NDUFA9: variants seen among roughly 807,000 people sequenced by gnomAD.
NDUFA9 encodes the protein NADH dehydrogenase [ubiquinone] 1 alpha subcomplex subunit 9, mitochondrial.
In NDUFA9, 23 loss-of-function variants were observed where a neutral mutation model predicts 45.9. The ratio of observed to expected loss-of-function variants is 0.50; its 90% CI spans 0.36 to 0.71. The LOEUF (loss-of-function observed/expected upper bound fraction) is 0.71, where lower values mean the gene tolerates loss of function less well. NDUFA9 is among the 30% of genes least tolerant of loss of function. The pLI is 0.00. For synonymous variants in NDUFA9, 176 were observed against 170.5 expected (o/e 1.03, Z -0.25); for missense variants, 466 against 488.2 (o/e 0.95, Z 0.43).
chr12:4,660,874 G>A (rs192423473), intron 5 of NDUFA9, among the ~76,000 whole-genome samples: 11 of 152,246 alleles, frequency 7.2e-5, no homozygotes, highest in African/African-American at 2.4e-4. Flanking sequence ...ATGCGGGTGC[G>A]TGAAGAGTGA....
chr12:4,649,162 C>G lies in NDUFA9; in HGVS notation c.36C>G (p.Val12=). The G allele has an allele frequency of 6.2e-7, 1 of 1,605,176 alleles. No homozygotes were observed. Among genetic ancestry groups the G allele is most frequent in the Non-Finnish European group, 8.5e-7 (1 of 1,176,094 alleles). Residue 12 remains valine (V), a synonymous_variant, in exon 1 of 11, where the codon GTC becomes GTG. Coordinates refer to ENST00000266544, the MANE Select transcript of NDUFA9 (RefSeq NM_005002.5). ...AAAAQSRVVR[V]LSMSRSAITA... ...CCGCACAATCCCGGGTTGTCCGGGTCCTGTCAATGTCACGTAAGTGTTACC... is the reference window on the plus strand; with the variant it reads ...CCGCACAATCCCGGGTTGTCCGGGTGCTGTCAATGTCACGTAAGTGTTACC...
At chr12:4,654,551 A>C in intron 2 of NDUFA9, 89 bp downstream of exon 2, 3 of 1,440,094 alleles carry the variant, frequency 2.1e-6, no homozygotes, top group Non-Finnish European at 2.9e-6. Context: ...TCTTCATTTT[A>C]ACAGTATTAT....
At chr12:4,674,905 A>G (rs534429880) in intron 8 of NDUFA9, among the ~76,000 whole-genome samples, 1 of 152,328 alleles carries the variant, frequency 6.6e-6, no homozygotes, top group South Asian at 2.1e-4. Context: ...TCTAAAATTG[A>G]CCACATAATT....
intron 1 of NDUFA9, 86 bp downstream of exon 1, chr12:4,649,261 T>C (rs1316163148): frequency 1.4e-6 from 2 of 1,454,132 alleles, no homozygotes; most frequent in Non-Finnish European, 1.9e-6. Flanking sequence ...GCTGCAGCGG[T>C]CACGCCAACT....
intron 7 of NDUFA9, among the ~76,000 whole-genome samples, chr12:4,669,155 G>A (rs892979998): frequency 2.0e-5 from 3 of 152,206 alleles, no homozygotes; most frequent in African/African-American, 7.2e-5. Flanking sequence ...TTGTTAAAGG[G>A]TGTTGGGCAG....
At position 4,659,411 on chromosome 12, in the gene NDUFA9, G is replaced by A. The variant is rs7957498; in HGVS notation, c.552+234G>A. On this transcript the variant is annotated intron_variant, in intron 5 of 10. Coordinates refer to ENST00000266544, the MANE Select transcript of NDUFA9 (RefSeq NM_005002.5). Reference sequence around the variant, plus strand: ...TCGGAGTTGGCTAGACCATGTTACTGTTGGCATTCAGATACTTAAAGTTTC... The same window carrying A: ...TCGGAGTTGGCTAGACCATGTTACTATTGGCATTCAGATACTTAAAGTTTC... Among the ~76,000 whole-genome samples the A allele has an allele frequency of 0.98, 149,162 of 152,322 alleles. 73,118 individuals are homozygous for A. The highest frequency in any genetic ancestry group is 1 in the Middle Eastern group (294 of 294).
intron 10 of NDUFA9, among the ~76,000 whole-genome samples, chr12:4,685,910 G>A (rs1945983810): frequency 3.3e-5 from 5 of 152,134 alleles, no homozygotes; most frequent in Admixed American, 1.3e-4. Context: ...CATCTACCTT[G>A]GAAGACCTAT....
At position 4,694,017 on chromosome 12, in the gene NDUFA9, G is replaced by A. The variant is rs1431116729; in HGVS notation, c.*6909G>A. On this transcript the variant is annotated 3_prime_UTR_variant, in exon 11 of 11. Transcript: ENST00000266544. ...GGGGAGATCCCATTGTACTTCAGTG[G>A]AAAACTATGCATTGTCTGGAATCTA... 3.3e-5 allele frequency: 5 copies of A among 152,170 alleles called. No individual in the cohort carries two copies. Among genetic ancestry groups the A allele is most frequent in the African/African-American group, 1.2e-4 (5 of 41,418 alleles). The allele number at this position is 152,170 out of a possible 1,614,324, so 9.4% of individuals were successfully genotyped here.
At position 4,651,419 on chromosome 12, in the gene NDUFA9, C is replaced by A. The variant is rs80178477; in HGVS notation, c.49+2244C>A. ...CTTGCCCATATGTTATTCTCATTAA[C>A]CCTTTAAACTGTGAGCTTCATGAAG... On this transcript the variant is annotated intron_variant, in intron 1 of 10. Transcript: ENST00000266544. 3.5e-3 allele frequency among the ~76,000 whole-genome samples: 529 copies of A among 152,052 alleles called. 2 individuals are homozygous for A. The highest frequency in any genetic ancestry group is 0.012 in the African/African-American group (510 of 41,464).
chr12:4,676,556 A>C (rs1031742007), intron 8 of NDUFA9, among the ~76,000 whole-genome samples: 2 of 152,230 alleles, frequency 1.3e-5, no homozygotes, highest in Admixed American at 1.3e-4. Flanking sequence ...TGCTACAAAG[A>C]GAATAAAATA....
chr12:4,650,124 G>T (rs1487280083), intron 1 of NDUFA9, among the ~76,000 whole-genome samples: 1 of 152,220 alleles, frequency 6.6e-6, no homozygotes, highest in African/African-American at 2.4e-5. Flanking sequence ...AGGACTGAGT[G>T]TAGAGCTATT....
chr12:4,679,275 G>A (rs950180740), intron 8 of NDUFA9, among the ~76,000 whole-genome samples: 4 of 152,156 alleles, frequency 2.6e-5, no homozygotes, highest in African/African-American at 9.7e-5. Context: ...TGGCTGTGGA[G>A]GATCTTACTA....
At chr12:4,665,008 A>C (rs1292210761) in intron 6 of NDUFA9, among the ~76,000 whole-genome samples, 2 of 152,204 alleles carry the variant, frequency 1.3e-5, no homozygotes, top group East Asian at 3.8e-4. Flanking sequence ...GTTCATAGTT[A>C]GGAATTTTGC....
At chr12:4,679,637 G>A (rs2137483784) in intron 8 of NDUFA9, among the ~76,000 whole-genome samples, 1 of 152,290 alleles carries the variant, frequency 6.6e-6, no homozygotes, top group South Asian at 2.1e-4. Context: ...GACCTCATTT[G>A]AACATTAGGC....
At position 4,693,584 on chromosome 12, in the gene NDUFA9, T is replaced by A. The variant is rs1439725094; in HGVS notation, c.*6476T>A. 2 of 152,222 alleles carry A rather than the reference T, an allele frequency of 1.3e-5. No homozygotes were observed. Among genetic ancestry groups the A allele is most frequent in the Non-Finnish European group, 2.9e-5 (2 of 68,062 alleles). 9.4% of individuals were successfully genotyped at this position (152,222 alleles called of 1,614,324 possible). On this transcript the variant is annotated 3_prime_UTR_variant, in exon 11 of 11. Coordinates refer to ENST00000266544, the MANE Select transcript of NDUFA9 (RefSeq NM_005002.5). ...ATGTCTGGGCCTTCTTGACAGCAGG[T>A]GTTTAAAGCTGAATCTGGTTCTACT...
intron 8 of NDUFA9, among the ~76,000 whole-genome samples, chr12:4,671,612 TG>T (rs1481204857): frequency 6.6e-6 from 1 of 152,156 alleles, no homozygotes; most frequent in African/African-American, 2.4e-5. Flanking sequence ...TAAATTTATA[TG>T]GTAATGCAAA....
At chr12:4,684,918 G>A (rs534739544) in intron 9 of NDUFA9, 2 of 575,756 alleles carry the variant, frequency 3.5e-6, no homozygotes, top group African/African-American at 1.9e-5. Context: ...AATATCTGAG[G>A]TTTAGATTAA....
At chr12:4,650,488 C>G (rs778245925) in intron 1 of NDUFA9, among the ~76,000 whole-genome samples, 4 of 152,182 alleles carry the variant, frequency 2.6e-5, no homozygotes, top group African/African-American at 7.2e-5. Flanking sequence ...TTTTAACTTA[C>G]TTTCCTCTGA....
intron 3 of NDUFA9, chr12:4,657,304 T>A (rs1033277978): frequency 6.4e-5 from 10 of 155,116 alleles, no homozygotes; most frequent in African/African-American, 2.4e-4. Flanking sequence ...CACTAGTCTT[T>A]AAAAGACACT....
Sources: gnomAD v4.1 joint callset for allele counts (sites outside exome capture counted in the v4.1 genomes callset) on GRCh38, gnomAD v4.1.1 for gene constraint, MANE v1.5 for transcripts, NCBI Gene and HGNC (gene_info 2026-07-23, HGNC 2026-07-21) for gene names.